The following PIGQ variants were observed in gnomAD, a reference collection of about 807,000 sequenced individuals.
The protein encoded by PIGQ is phosphatidylinositol glycan anchor biosynthesis class Q.
A neutral mutation model predicts 60.3 loss-of-function variants in PIGQ; 54 were observed. The observed-to-expected ratio is 0.90, with a 90% CI of 0.72 to 1.12. The LOEUF (loss-of-function observed/expected upper bound fraction) is 1.12, where lower values mean the gene tolerates loss of function less well. Among genes scored for constraint, PIGQ ranks in the 50% most tolerant of loss-of-function variants. The probability of loss-of-function intolerance (pLI) is 0.00; values close to 1 mark genes in which losing one functional copy is unlikely to be tolerated. For missense variants in PIGQ, 799 were observed against 793.5 expected, an observed-to-expected ratio of 1.01 and a Z score of -0.08; for synonymous variants, 416 against 363.7, an observed-to-expected ratio of 1.14 and a Z score of -1.64.
At chr16:572,288 G>A (rs539501557) in intron 1 of PIGQ, among the ~76,000 whole-genome samples, 5 of 149,640 alleles carry the variant, frequency 3.3e-5, no homozygotes, top group Non-Finnish European at 7.4e-5. Context: ...TCCACCCGCC[G>A]CCTGCCCTCT....
At position 574,246 on chromosome 16, in the gene PIGQ, G is replaced by A. The variant is rs1238585762; in HGVS notation, c.172G>A (p.Val58Met). 1.9e-6 allele frequency: 3 copies of A among 1,609,842 alleles called. No homozygotes were observed. The highest frequency in any genetic ancestry group is 2.2e-5 in the South Asian group (2 of 91,016). The change falls in exon 2 of 11, where the codon GTG becomes ATG. Residue 58 changes from valine to methionine, a missense_variant. Coordinates refer to ENST00000321878, the MANE Select transcript of PIGQ (RefSeq NM_004204.5). Reference protein sequence around the residue: ...LLAQVRQASQVGVAVLGTWCH... With the variant: ...LLAQVRQASQMGVAVLGTWCH... ...GGCCCAGGTGCGGCAGGCCAGCCAG[G>A]TGGGCGTGGCCGTGCTGGGCACCTG... is the stretch of plus-strand genomic sequence containing the variant.
At position 583,938 on chromosome 16, in the gene PIGQ, T is replaced by C. The variant is rs2035859393; in HGVS notation, c.*903T>C. On this transcript the variant is annotated 3_prime_UTR_variant, in exon 11 of 11. Transcript: ENST00000321878. ...TGCGGGTGTTCCCTGTGAGCCCGAG[T>C]CCGCTTCAGGAGGGGAGCCTGCAGG... 3 of 452,816 alleles carry C rather than the reference T, an allele frequency of 6.6e-6. No individual in the cohort carries two copies. The highest frequency in any genetic ancestry group is 1.2e-5 in the Non-Finnish European group (3 of 241,726). 28.0% of individuals were successfully genotyped at this position (452,816 alleles called of 1,614,324 possible).
Position 583,580 on chromosome 16 carries a change from C to T in PIGQ, c.*545C>T, listed in dbSNP as rs780941101. On this transcript the variant is annotated 3_prime_UTR_variant, in exon 11 of 11. Coordinates refer to ENST00000321878, the MANE Select transcript of PIGQ (RefSeq NM_004204.5). ...TCCCCAGCGGGCCCGGGCCCTCACT[C>T]CCTGAACCACACGGGGTTTATTTGC... 1 of 1,612,758 alleles carries T rather than the reference C, an allele frequency of 6.2e-7. No homozygotes were observed. Among genetic ancestry groups the T allele is most frequent in the South Asian group, 1.1e-5 (1 of 91,084 alleles).
rs1336038186 is a variant in PIGQ, at chr16:583,216, G to C, written c.*181G>C. 2 of 1,613,132 alleles carry C rather than the reference G, an allele frequency of 1.2e-6. No homozygotes were observed. The highest frequency in any genetic ancestry group is 1.7e-6 in the Non-Finnish European group (2 of 1,179,958). Reference sequence around the variant, plus strand: ...GAGGTCATTGGGAGTGAGCAGATGTGGGGGTGGCCAGCCAGGCTGGCCGCA... The same window carrying C: ...GAGGTCATTGGGAGTGAGCAGATGTCGGGGTGGCCAGCCAGGCTGGCCGCA... On this transcript the variant is annotated 3_prime_UTR_variant, in exon 11 of 11. Transcript: ENST00000321878.
chr16:571,077 G>GCCTAGCC (rs1413358552), intron 1 of PIGQ, among the ~76,000 whole-genome samples: 2 of 10,060 alleles, frequency 2.0e-4, no homozygotes, highest in African/African-American at 8.6e-4. Flanking sequence ...GTGTGTGTGT[G>GCCTAGCC]TGTGTGTGTG....
intron 7 of PIGQ, 185 bp downstream of exon 7, chr16:579,365 A>G: frequency 3.3e-6 from 2 of 608,442 alleles, no homozygotes; most frequent in Admixed American, 2.8e-5. Flanking sequence ...AGCAGCGCAG[A>G]GCTTCCCTGG....
chr16:583,170 T>G lies in PIGQ; in HGVS notation c.*135T>G, dbSNP rs1350716245. 1 of 1,613,198 alleles carries G rather than the reference T, an allele frequency of 6.2e-7. No homozygotes were observed. Among genetic ancestry groups the G allele is most frequent in the Non-Finnish European group, 8.5e-7 (1 of 1,179,998 alleles). ...GTGTGCTCCTGAACACGGCAGGCCCTGCTATCACACCTTGGGCTTGGAGGT... is the reference window on the plus strand; with the variant it reads ...GTGTGCTCCTGAACACGGCAGGCCCGGCTATCACACCTTGGGCTTGGAGGT... On this transcript the variant is annotated 3_prime_UTR_variant, in exon 11 of 11. Transcript: ENST00000321878.
intron 4 of PIGQ, among the ~76,000 whole-genome samples, chr16:577,428 T>G (rs2035738297): frequency 6.6e-6 from 1 of 151,864 alleles, no homozygotes; most frequent in Non-Finnish European, 1.5e-5. Flanking sequence ...ATACAAAAAA[T>G]TAGCCAGGTA....
chr16:573,965 G>A, intron 1 of PIGQ, 101 bp from the exon 2 acceptor site: 1 of 785,416 alleles, frequency 1.3e-6, no homozygotes, highest in Non-Finnish European at 2.0e-6. Context: ...CCGACCTGGG[G>A]CCCTGTGGCT....
At position 571,038 on chromosome 16, in the gene PIGQ, C is replaced by CGTGTGTGTGTGTGTGT. The variant is rs1176149269; in HGVS notation, c.-10+997_-10+1012dup. ...AAGCTCTTCTGGCTAGCCTGGCGCCCGTGTGTGTGTGTGTGTGTGTGTGTG... is the reference window on the plus strand; with the variant it reads ...AAGCTCTTCTGGCTAGCCTGGCGCCCGTGTGTGTGTGTGTGTGTGTGTGTGTGTGTGTGTGTGTGTG... On this transcript the variant is annotated intron_variant, in intron 1 of 10. Transcript: ENST00000321878. Among the ~76,000 whole-genome samples the CGTGTGTGTGTGTGTGT allele has an allele frequency of 8.2e-5, 7 of 85,224 alleles. 1 individual carries two copies. The highest frequency in any genetic ancestry group is 1.3e-4 in the Non-Finnish European group (5 of 38,188). 55.9% of individuals were successfully genotyped at this position (85,224 alleles called of 152,430 possible).
At chr16:582,804 A>G in intron 10 of PIGQ, 79 bp from the exon 11 acceptor site, 1 of 1,456,610 alleles carries the variant, frequency 6.9e-7, no homozygotes, top group Non-Finnish European at 9.3e-7. Flanking sequence ...CTGCCTCACA[A>G]CTGCCCGCCC....
At chr16:577,386 G>T (rs534320350) in intron 4 of PIGQ, among the ~76,000 whole-genome samples, 6 of 151,468 alleles carry the variant, frequency 4.0e-5, no homozygotes, top group African/African-American at 1.5e-4. Flanking sequence ...GACCATCCTG[G>T]CTAACACAGT....
In PIGQ at chr16:573,811, C is replaced by T. The variant is rs554143861; in HGVS notation, c.-9-255C>T. On this transcript the variant is annotated intron_variant, in intron 1 of 10. Transcript: ENST00000321878. ...CAGGCCTGGTGGCTGCATGTGCGTCCTGCCTCGTGCGGGTGGGGCTGAGCT... is the reference window on the plus strand; with the variant it reads ...CAGGCCTGGTGGCTGCATGTGCGTCTTGCCTCGTGCGGGTGGGGCTGAGCT... Among the ~76,000 whole-genome samples, 10 of 152,284 alleles carry T rather than the reference C, an allele frequency of 6.6e-5. No individual in the cohort carries two copies. In the South Asian group the frequency reaches 2.1e-3, roughly 32 times the overall value.
chr16:583,563 G>A lies in PIGQ; in HGVS notation c.*528G>A, dbSNP rs374507451. On this transcript the variant is annotated 3_prime_UTR_variant, in exon 11 of 11. Coordinates refer to ENST00000321878, the MANE Select transcript of PIGQ (RefSeq NM_004204.5). ...GCAGTCGCTGACCCCCGTCCCCAGCGGGCCCGGGCCCTCACTCCCTGAACC... is the reference window on the plus strand; with the variant it reads ...GCAGTCGCTGACCCCCGTCCCCAGCAGGCCCGGGCCCTCACTCCCTGAACC... 4.4e-5 allele frequency: 71 copies of A among 1,612,392 alleles called. No homozygotes were observed. The East Asian group carries it at 8.7e-4, about 20-fold the overall frequency.
chr16:578,515 G>A lies in PIGQ; in HGVS notation c.1069+10G>A. 1.2e-6 allele frequency: 2 copies of A among 1,608,866 alleles called. No homozygotes were observed. Among genetic ancestry groups the A allele is most frequent in the East Asian group, 4.5e-5 (2 of 44,758 alleles). ...ATCCACCTGTGGATCAGTGAGTGCA[G>A]GGCAGGCGGGGGCCCCAGGGACCCC... On this transcript the variant is annotated intron_variant, in intron 5 of 10. Coordinates refer to ENST00000321878, the MANE Select transcript of PIGQ (RefSeq NM_004204.5).
chr16:571,146 TGGCTAGCCTGGCA>T (rs2035616343), intron 1 of PIGQ, among the ~76,000 whole-genome samples: 1 of 91,158 alleles, frequency 1.1e-5, no homozygotes, highest in Non-Finnish European at 2.2e-5. Flanking sequence ...TGTGTGTGTC[TGGCTAGCCTGGCA>T]CCCGTGGCTA....
intron 1 of PIGQ, among the ~76,000 whole-genome samples, chr16:573,311 C>G (rs1186871915): frequency 6.6e-6 from 1 of 152,216 alleles, no homozygotes; most frequent in Non-Finnish European, 1.5e-5. Flanking sequence ...GAAATATATC[C>G]TGGAGAGAAA....
rs921821550 is a variant in PIGQ, at chr16:578,357, CGTGGCCCCTGT to C, written c.943-19_943-9del. On this transcript the variant is annotated splice_polypyrimidine_tract_variant and intron_variant, in intron 4 of 10. Transcript: ENST00000321878. ...CTGAGCCTGGCTGCCCCCGCCCCAG[CGTGGCCCCTGT>C]GTCCCTGCAGCACGTGGCCGAGGAG... 1.9e-6 allele frequency: 3 copies of C among 1,599,964 alleles called. No homozygotes were observed. The African/African-American group carries it at 4.0e-5, about 21-fold the overall frequency.
At position 583,590 on chromosome 16, in the gene PIGQ, C is replaced by T; in HGVS notation, c.*555C>T. On this transcript the variant is annotated 3_prime_UTR_variant, in exon 11 of 11. Coordinates refer to ENST00000321878, the MANE Select transcript of PIGQ (RefSeq NM_004204.5). Reference sequence around the variant, plus strand: ...GCCCGGGCCCTCACTCCCTGAACCACACGGGGTTTATTTGCGGATGTTCCC... The same window carrying T: ...GCCCGGGCCCTCACTCCCTGAACCATACGGGGTTTATTTGCGGATGTTCCC... 1 of 1,612,826 alleles carries T rather than the reference C, an allele frequency of 6.2e-7. No individual in the cohort carries two copies. Among genetic ancestry groups the T allele is most frequent in the Non-Finnish European group, 8.5e-7 (1 of 1,179,950 alleles).
Sources: allele counts gnomAD v4.1 joint callset (sites outside exome capture counted in the v4.1 genomes callset), GRCh38; gene constraint gnomAD v4.1.1; transcripts MANE v1.5; gene names NCBI Gene and HGNC (gene_info 2026-07-23, HGNC 2026-07-21).